The following ERBB4 variants were observed in gnomAD, a reference collection of about 807,000 sequenced individuals.
ERBB4 encodes the protein erb-b2 receptor tyrosine kinase 4.
Under a neutral mutation model 158.0 loss-of-function variants are expected in ERBB4, and 42 were observed. That is an observed-to-expected ratio of 0.27 (90% CI 0.21 to 0.34). The LOEUF (loss-of-function observed/expected upper bound fraction) is 0.34. ERBB4 is among the 10% of genes least tolerant of loss of function. ERBB4 has a pLI of 1.00. For missense variants in ERBB4, 1,333 were observed against 1,624.1 expected (o/e 0.82, Z 3.08); for synonymous variants, 583 against 558.7 (o/e 1.04, Z -0.61).
At chr2:211,773,676 A>G (rs115930234) in intron 4 of ERBB4, among the ~76,000 whole-genome samples, 4,166 of 134,082 alleles carry the variant, frequency 0.031, 230 homozygotes, top group African/African-American at 0.09. Context: ...CACACTTCAT[A>G]TACATACTAT....
At chr2:212,340,483 C>G (rs1346993674) in intron 1 of ERBB4, among the ~76,000 whole-genome samples, 1 of 152,196 alleles carries the variant, frequency 6.6e-6, no homozygotes, top group East Asian at 1.9e-4. Context: ...TTTCCTGCAA[C>G]TGCATGGTCC....
chr2:211,869,431 C>G (rs1305688625), intron 3 of ERBB4, among the ~76,000 whole-genome samples: 6 of 152,160 alleles, frequency 3.9e-5, no homozygotes, highest in Non-Finnish European at 8.8e-5. Context: ...TTCCAACCTT[C>G]CCAGTTGCTA....
At chr2:212,258,191 AC>A (rs1185593109) in intron 1 of ERBB4, among the ~76,000 whole-genome samples, 1 of 152,024 alleles carries the variant, frequency 6.6e-6, no homozygotes, top group African/African-American at 2.4e-5. Context: ...GGTTCTGAAT[AC>A]CCTAAAAGTA....
At chr2:211,522,796 C>G (rs1011683788) in intron 20 of ERBB4, among the ~76,000 whole-genome samples, 10 of 152,040 alleles carry the variant, frequency 6.6e-5, no homozygotes, top group African/African-American at 2.4e-4. Context: ...AAAGCATGTA[C>G]ACTGCTTTTT....
rs773380410 is a variant in ERBB4 at position 211,788,027 on chromosome 2, C to T, written c.554G>A (p.Gly185Glu). 1 of 1,613,472 alleles carries T rather than the reference C, an allele frequency of 6.2e-7. No individual in the cohort carries two copies. ...TTAAAAAGAATAATTCTACTTACAT[C>T]CTGAACTACCATTTGTTGACACAAG... ...LTLVSTNGSS[G>E]CGRCHKSCTG... is the part of the protein sequence containing the mutation. The change falls in exon 4 of 28, where the codon GGA (glycine) becomes GAA (glutamate). Residue 185 changes from glycine (G) to glutamate (E), a missense_variant and splice_region_variant. Physicochemically the swap from Gly to Glu is moderately conservative, Grantham distance 98. Around this residue, in one of 5 missense-constraint regions of ERBB4, gnomAD observed 438 missense variants for 586.9 expected, o/e 0.75. Transcript: ENST00000342788.
intron 20 of ERBB4, among the ~76,000 whole-genome samples, chr2:211,516,203 A>C (rs1278609786): frequency 6.6e-6 from 1 of 151,808 alleles, no homozygotes; most frequent in Admixed American, 6.6e-5. Flanking sequence ...AGCGTGAGCC[A>C]CTGCGCCCGG....
chr2:211,940,645 A>AG (rs202179355), intron 3 of ERBB4, among the ~76,000 whole-genome samples: 5,241 of 152,228 alleles, frequency 0.034, 133 homozygotes, highest in Middle Eastern at 0.088. Flanking sequence ...AGATTCCTGA[A>AG]GGGGTCATAA....
At chr2:211,763,042 G>T (rs1468566840) in intron 4 of ERBB4, among the ~76,000 whole-genome samples, 1 of 148,900 alleles carries the variant, frequency 6.7e-6, no homozygotes, top group Non-Finnish European at 1.5e-5. Context: ...TCTAGGGATT[G>T]TGTGTGTGTG....
At chr2:211,689,783 T>C (rs778016770) in intron 12 of ERBB4, among the ~76,000 whole-genome samples, 7 of 152,004 alleles carry the variant, frequency 4.6e-5, no homozygotes, top group Non-Finnish European at 7.4e-5. Context: ...TTATATACAG[T>C]GTTTACATAC....
intron 1 of ERBB4, among the ~76,000 whole-genome samples, chr2:212,217,563 C>A (rs1191179797): frequency 1.3e-5 from 2 of 151,106 alleles, no homozygotes; most frequent in Non-Finnish European, 3.0e-5. Flanking sequence ...TAAGGCTAGG[C>A]AGACAACATA....
At chr2:212,419,252 C>T (rs976042359) in intron 1 of ERBB4, among the ~76,000 whole-genome samples, 6 of 151,792 alleles carry the variant, frequency 4.0e-5, no homozygotes, top group African/African-American at 1.2e-4. Flanking sequence ...AGTCAATCTA[C>T]GAATGACACT....
At chr2:211,542,406 T>A (rs985247121) in intron 20 of ERBB4, among the ~76,000 whole-genome samples, 1 of 151,934 alleles carries the variant, frequency 6.6e-6, no homozygotes, top group Non-Finnish European at 1.5e-5. Context: ...TCAACCCAAC[T>A]TTTCCATCCC....
rs1369147722 is a variant in ERBB4, at chr2:211,427,176, A to G, written c.2719+1232T>C. Among the ~76,000 whole-genome samples the G allele has an allele frequency of 1.3e-5, 2 of 152,072 alleles. 1 individual carries two copies. Among genetic ancestry groups the G allele is most frequent in the East Asian group, 3.9e-4 (2 of 5,184 alleles). ...TTAAAGATAGTTAATTTTTTCCTAG[A>G]TAAGAATTGTAAGTTCTTCAGTGAT... On this transcript the variant is annotated intron_variant, in intron 22 of 27. Coordinates refer to ENST00000342788, the MANE Select transcript of ERBB4 (RefSeq NM_005235.3).
intron 5 of ERBB4, 39 bp downstream of exon 5, chr2:211,750,600 C>T: frequency 1.3e-6 from 2 of 1,554,664 alleles, no homozygotes; most frequent in Non-Finnish European, 1.8e-6. Flanking sequence ...AATTCCTTGA[C>T]CACATCAAAC....
intron 1 of ERBB4, among the ~76,000 whole-genome samples, chr2:212,419,109 T>A (rs1387751910): frequency 6.6e-6 from 1 of 151,820 alleles, no homozygotes; most frequent in Non-Finnish European, 1.5e-5. Context: ...CCTTCATTTT[T>A]TTTTTTTAAC....
rs527652787 is a variant in ERBB4 at position 211,530,412 on chromosome 2, G to C, written c.2487+31491C>G. On this transcript the variant is annotated intron_variant, in intron 20 of 27. Transcript: ENST00000342788. Reference sequence around the variant, plus strand: ...ATATTCAATATTGTTAAAATGTCTAGACTACAATACCTAAAGCAACCTACA... The same window carrying C: ...ATATTCAATATTGTTAAAATGTCTACACTACAATACCTAAAGCAACCTACA... Among the ~76,000 whole-genome samples the C allele has an allele frequency of 2.6e-5, 4 of 152,102 alleles. No individual in the cohort carries two copies. The East Asian group carries it at 7.7e-4, about 29-fold the overall frequency.
chr2:212,083,467 C>T (rs903831795), intron 2 of ERBB4, among the ~76,000 whole-genome samples: 1 of 151,892 alleles, frequency 6.6e-6, no homozygotes, highest in Admixed American at 6.6e-5. Context: ...GAATAAATAA[C>T]ATGCAAATGC....
intron 25 of ERBB4, among the ~76,000 whole-genome samples, chr2:211,415,866 GC>G (rs1437537372): frequency 6.6e-6 from 1 of 152,124 alleles, no homozygotes; most frequent in Non-Finnish European, 1.5e-5. Context: ...CTGGGAGAAA[GC>G]GTGTAAGAGG....
intron 25 of ERBB4, among the ~76,000 whole-genome samples, chr2:211,390,414 A>G (rs573908698): frequency 6.6e-6 from 1 of 152,346 alleles, no homozygotes; most frequent in South Asian, 2.1e-4. Context: ...ATTCATAATT[A>G]CTAGTGCTCC....
Sources: allele counts gnomAD v4.1 joint callset (sites outside exome capture counted in the v4.1 genomes callset), GRCh38; gene constraint gnomAD v4.1.1; regional missense constraint gnomAD v4.1.1; transcripts MANE v1.5; gene names NCBI Gene and HGNC (gene_info 2026-07-23, HGNC 2026-07-21).